The following HEATR9 variants were observed in gnomAD, a reference collection of about 807,000 sequenced individuals.
HEATR9 encodes HEAT repeat containing 9.
HEATR9 carries 54 observed loss-of-function variants against 68.2 expected under a neutral mutation model. The ratio of observed to expected loss-of-function variants is 0.79; its 90% CI spans 0.64 to 0.99. The LOEUF (loss-of-function observed/expected upper bound fraction) is 0.99, where lower values mean the gene tolerates loss of function less well. Among genes scored for constraint, HEATR9 ranks in the 50% least tolerant of loss-of-function variants. The pLI is 0.00. For synonymous variants in HEATR9, 241 were observed against 253.5 expected (o/e 0.95, Z 0.47); for missense variants, 662 against 679.7 (o/e 0.97, Z 0.29).
intron 8 of HEATR9, among the ~76,000 whole-genome samples, chr17:35,860,383 C>A (rs1411908630): frequency 7.2e-6 from 1 of 138,048 alleles, no homozygotes; most frequent in Non-Finnish European, 1.6e-5. Flanking sequence ...CACAGCAAGA[C>A]TCCGTCTCAA....
rs746902961 is a variant in HEATR9, at chr17:35,859,026, CTG to C, written c.799_800del (p.Gln267AspfsTer9). On this transcript the variant is annotated frameshift_variant, in exon 9 of 15. Transcript: ENST00000604834. LOFTEE classifies it high-confidence loss of function. Reference sequence around the variant, plus strand: ...CACTGGACGACTTCTTGATCAGTGTCTGTAGTACAGGCACCAGCTTGCCCTCA... The same window carrying C: ...CACTGGACGACTTCTTGATCAGTGTCTAGTACAGGCACCAGCTTGCCCTCA... ...GDEGKLVPVL[Q>X]TLIKKSSSEA... 3.1e-6 allele frequency: 5 copies of C among 1,614,106 alleles called. No homozygotes were observed. Among genetic ancestry groups the C allele is most frequent in the Non-Finnish European group, 4.2e-6 (5 of 1,180,054 alleles).
chr17:35,856,053 TA>T, intron 13 of HEATR9, 119 bp downstream of exon 13: 1 of 1,167,462 alleles, frequency 8.6e-7, no homozygotes, highest in Non-Finnish European at 1.3e-6. Context: ...GCTGGAATTC[TA>T]AAATAAACAA....
chr17:35,857,160 G>C (rs575072253), intron 11 of HEATR9, among the ~76,000 whole-genome samples: 11 of 152,272 alleles, frequency 7.2e-5, no homozygotes, highest in African/African-American at 2.6e-4. Flanking sequence ...GGAGGCAGGA[G>C]AAGGTGCAGA....
intron 2 of HEATR9, 53 bp downstream of exon 2, chr17:35,866,671 G>A (rs770448908): frequency 2.6e-6 from 4 of 1,521,172 alleles, no homozygotes; most frequent in Admixed American, 1.7e-5. Flanking sequence ...ATAGTTTGCT[G>A]CCCCTCCTAA....
intron 8 of HEATR9, chr17:35,861,324 G>A: frequency 7.0e-7 from 1 of 1,428,932 alleles, no homozygotes; most frequent in Non-Finnish European, 9.8e-7. Flanking sequence ...GCTCTTGCTA[G>A]TATTTGATAG....
chr17:35,860,115 G>A (rs564578064), intron 8 of HEATR9, among the ~76,000 whole-genome samples: 30 of 151,824 alleles, frequency 2.0e-4, no homozygotes, highest in Admixed American at 3.9e-4. Context: ...GCTATTTTTC[G>A]GCCGGGCACG....
chr17:35,866,210 C>G (rs2088193113), intron 2 of HEATR9, among the ~76,000 whole-genome samples: 1 of 150,616 alleles, frequency 6.6e-6, no homozygotes, highest in South Asian at 2.1e-4. Flanking sequence ...GCATGACTCA[C>G]AGTGAGTAGG....
Position 35,856,218 on chromosome 17 carries a change from C to T in HEATR9, c.1233G>A (p.Leu411=). ...PTMMNLVEAQ[L]MNPDATARQE... Reference sequence around the variant, plus strand: ...GGCGTGCAGTGGCATCTGGGTTCATCAGTTGTCTGTGTAGAAGGGAGTGAG... The same window carrying T: ...GGCGTGCAGTGGCATCTGGGTTCATTAGTTGTCTGTGTAGAAGGGAGTGAG... The change falls in exon 13 of 15, where the codon CTG becomes CTA. Residue 411 remains leucine (L), a synonymous_variant. Transcript: ENST00000604834. 6.2e-7 allele frequency: 1 copy of T among 1,614,130 alleles called. No homozygotes were observed. Among genetic ancestry groups the T allele is most frequent in the Non-Finnish European group, 8.5e-7 (1 of 1,180,018 alleles).
chr17:35,856,746 C>T lies in HEATR9; in HGVS notation c.1212G>A (p.Met404Ile). The change falls in exon 12 of 15, where the codon ATG becomes ATA. Residue 404 changes from methionine (M) to isoleucine (I), a missense_variant. Transcript: ENST00000604834. The part of the protein sequence containing the change: ...VEELKLKPTM[M>I]NLVEAQLMNP... ...AGGCCACTCACGCCTCCACCAAGTT[C>T]ATCATCGTAGGCTTCAACTTGAGCT... 6.2e-7 allele frequency: 1 copy of T among 1,605,156 alleles called. No individual in the cohort carries two copies. Among genetic ancestry groups the T allele is most frequent in the Non-Finnish European group, 8.5e-7 (1 of 1,175,694 alleles).
At chr17:35,863,147 G>A in intron 7 of HEATR9, 22 bp from the exon 8 acceptor site, 1 of 1,612,944 alleles carries the variant, frequency 6.2e-7, no homozygotes, top group Non-Finnish European at 8.5e-7. Flanking sequence ...GGGGCCTCAA[G>A]TCAGGGCAGA....
chr17:35,855,138 A>T lies in HEATR9; in HGVS notation c.1638T>A (p.His546Gln). 1 of 1,614,068 alleles carries T rather than the reference A, an allele frequency of 6.2e-7. No individual in the cohort carries two copies. The highest frequency in any genetic ancestry group is 1.1e-5 in the South Asian group (1 of 91,076). The part of the protein sequence containing the change: ...FPPCCSKPRK[H>Q]RPQVIGPWQP... ...GCCAGGGCCCTATGACCTGTGGCCTATGTTTTCGTGGTTTCGAGCAGCACG... is the reference window on the plus strand; with the variant it reads ...GCCAGGGCCCTATGACCTGTGGCCTTTGTTTTCGTGGTTTCGAGCAGCACG... Residue 546 changes from histidine to glutamine, a missense_variant, in exon 15 of 15, where the codon CAT (histidine) becomes CAA (glutamine). His to Gln is a conservative substitution (Grantham distance 24). Transcript: ENST00000604834.
intron 14 of HEATR9, 71 bp from the exon 15 acceptor site, chr17:35,855,481 C>T (rs1252146482): frequency 2.1e-6 from 3 of 1,444,232 alleles, no homozygotes; most frequent in African/African-American, 2.8e-5. Flanking sequence ...AGAGGGGGCA[C>T]CCAAAGTAGG....
In HEATR9 at chr17:35,865,003, A is replaced by G. The variant is rs1225107570; in HGVS notation, c.321-113T>C. 2.9e-5 allele frequency: 41 copies of G among 1,437,156 alleles called. 1 individual carries two copies. Among genetic ancestry groups the G allele is most frequent in the Non-Finnish European group, 3.7e-5 (38 of 1,031,972 alleles). 89.0% of individuals were successfully genotyped at this position (1,437,156 alleles called of 1,614,324 possible). A position where few individuals can be genotyped will look rare whatever the true frequency, so the allele number is the denominator to read the frequency against. On this transcript the variant is annotated intron_variant, in intron 3 of 14. Coordinates refer to ENST00000604834, the MANE Select transcript of HEATR9 (RefSeq NM_152781.4). Reference sequence around the variant, plus strand: ...CCAGCTCAGATATGGGACCAGAGGAAGACAGATGAGGACTCAGTGATATCC... The same window carrying G: ...CCAGCTCAGATATGGGACCAGAGGAGGACAGATGAGGACTCAGTGATATCC...
At position 35,857,559 on chromosome 17, in the gene HEATR9, C is replaced by A. The variant is rs979201495; in HGVS notation, c.1152+641G>T. On this transcript the variant is annotated intron_variant, in intron 11 of 14. Coordinates refer to ENST00000604834, the MANE Select transcript of HEATR9 (RefSeq NM_152781.4). ...CAGATCACGAGGTCAGGAGATCGAG[C>A]CCATCCTGGCTAACACGATGAAACC... Among the ~76,000 whole-genome samples, 6 of 151,966 alleles carry A rather than the reference C, an allele frequency of 3.9e-5. No homozygotes were observed. In the East Asian group the frequency reaches 9.7e-4, roughly 24 times the overall value.
At chr17:35,862,720 C>G (rs1431810561) in intron 8 of HEATR9, among the ~76,000 whole-genome samples, 1 of 152,152 alleles carries the variant, frequency 6.6e-6, no homozygotes, top group East Asian at 1.9e-4. Context: ...GTCGAAAAAT[C>G]GTAAGTCAAA....
chr17:35,856,324 T>A, intron 12 of HEATR9, 100 bp from the exon 13 acceptor site: 1 of 1,613,332 alleles, frequency 6.2e-7, no homozygotes, highest in Non-Finnish European at 8.5e-7. Context: ...TTAGGCAAAG[T>A]GATGCTAATT....
intron 7 of HEATR9, 145 bp from the exon 8 acceptor site, chr17:35,863,270 G>A: frequency 8.6e-7 from 1 of 1,158,500 alleles, no homozygotes; most frequent in Non-Finnish European, 1.2e-6. Context: ...GGATACCAGG[G>A]CAGCTGGCTG....
intron 8 of HEATR9, 66 bp from the exon 9 acceptor site, chr17:35,859,136 G>T: frequency 7.3e-7 from 1 of 1,377,240 alleles, no homozygotes; most frequent in Non-Finnish European, 1.0e-6. Context: ...TGTGCTTCCA[G>T]ACTATATTCA....
intron 12 of HEATR9, chr17:35,856,482 T>A: frequency 9.9e-7 from 1 of 1,013,610 alleles, no homozygotes; most frequent in Non-Finnish European, 1.5e-6. Flanking sequence ...CATGTCATAA[T>A]TTGAGCTTTA....
Sources: gnomAD v4.1 joint callset for allele counts (sites outside exome capture counted in the v4.1 genomes callset) on GRCh38, gnomAD v4.1.1 for gene constraint, MANE v1.5 for transcripts, NCBI Gene and HGNC (gene_info 2026-07-23, HGNC 2026-07-21) for gene names.